Variants in GRIK2 observed in about 807,000 individuals in gnomAD.
GRIK2 encodes the protein glutamate receptor ionotropic, kainate 2.
GRIK2 carries 32 observed loss-of-function variants against 100.3 expected under a neutral mutation model. That is an observed-to-expected ratio of 0.32 (90% CI 0.24 to 0.43). The LOEUF is 0.43. Ranked by LOEUF, GRIK2 falls within the 20% of genes least tolerant of loss-of-function variation. The pLI, the probability that GRIK2 is intolerant of heterozygous loss-of-function variation, is 1.00. For missense variants in GRIK2, 843 were observed against 1,114.9 expected (o/e 0.76, Z 3.47); for synonymous variants, 417 against 389.4 (o/e 1.07, Z -0.83).
At chr6:102,006,288 G>GCTAT (rs1795220297) in intron 14 of GRIK2, among the ~76,000 whole-genome samples, 1 of 147,150 alleles carries the variant, frequency 6.8e-6, no homozygotes, top group East Asian at 2.0e-4. Flanking sequence ...AATGAAGGAG[G>GCTAT]CTATCTTTTA....
At chr6:101,615,993 G>A (rs1472729733) in intron 2 of GRIK2, among the ~76,000 whole-genome samples, 3 of 151,758 alleles carry the variant, frequency 2.0e-5, no homozygotes, top group Non-Finnish European at 4.4e-5. Context: ...GCAGATTACA[G>A]ATAATTGCTT....
intron 10 of GRIK2, among the ~76,000 whole-genome samples, chr6:101,845,892 T>G (rs1401111088): frequency 2.6e-5 from 4 of 152,192 alleles, no homozygotes; most frequent in African/African-American, 9.6e-5. Flanking sequence ...GGTTTAGATT[T>G]GCATTTCCCT....
At chr6:101,632,507 C>T (rs753220835) in intron 4 of GRIK2, among the ~76,000 whole-genome samples, 9 of 152,082 alleles carry the variant, frequency 5.9e-5, no homozygotes, top group Non-Finnish European at 1.0e-4. Context: ...CCTTTAACTA[C>T]TTGCCAAGGA....
At chr6:101,440,200 A>G (rs1292803762) in intron 2 of GRIK2, among the ~76,000 whole-genome samples, 1 of 152,176 alleles carries the variant, frequency 6.6e-6, no homozygotes, top group Non-Finnish European at 1.5e-5. Context: ...CTAAAACAAT[A>G]AAACAACAGG....
At chr6:101,425,311 T>C (rs959980465) in intron 2 of GRIK2, among the ~76,000 whole-genome samples, 15 of 152,200 alleles carry the variant, frequency 9.9e-5, no homozygotes, top group African/African-American at 3.4e-4. Flanking sequence ...AGTAGAGACA[T>C]TAGATTTAAT....
At position 101,645,000 on chromosome 6, in the gene GRIK2, G is replaced by A. The variant is rs115021997; in HGVS notation, c.541+18363G>A. On this transcript the variant is annotated intron_variant, in intron 4 of 16. Coordinates refer to ENST00000369134, the MANE Select transcript of GRIK2 (RefSeq NM_021956.5). ...GGAGGTACTGGAGTAACTGTAAGGT[G>A]CAAAGCCACCCTACCAATCCATGCT... is the stretch of plus-strand genomic sequence containing the variant. Among the ~76,000 whole-genome samples, 500 of 151,846 alleles carry A rather than the reference G, an allele frequency of 3.3e-3. 1 individual carries two copies. The highest frequency in any genetic ancestry group is 0.011 in the African/African-American group (468 of 41,506).
chr6:101,524,357 A>C (rs1775038891), intron 2 of GRIK2, among the ~76,000 whole-genome samples: 1 of 150,980 alleles, frequency 6.6e-6, no homozygotes, highest in Non-Finnish European at 1.5e-5. Flanking sequence ...TATCCTGACC[A>C]ACAGTAGAAA....
chr6:101,397,589 C>T (rs1775062261), intron 1 of GRIK2, among the ~76,000 whole-genome samples: 1 of 152,130 alleles, frequency 6.6e-6, no homozygotes, highest in Admixed American at 6.5e-5. Flanking sequence ...GTAGATTTCT[C>T]TTTAAATTAG....
chr6:101,840,374 G>T (rs1393393452), intron 10 of GRIK2, among the ~76,000 whole-genome samples: 2 of 152,156 alleles, frequency 1.3e-5, no homozygotes, highest in African/African-American at 4.8e-5. Context: ...CCTGATCTCT[G>T]TGTTTTCAAC....
intron 15 of GRIK2, among the ~76,000 whole-genome samples, chr6:102,036,616 A>G (rs190334418): frequency 6.6e-6 from 1 of 151,200 alleles, no homozygotes; most frequent in East Asian, 2.0e-4. Context: ...AAGAGAGAGG[A>G]GAGAGATTTG....
In GRIK2 at chr6:101,818,779, A is replaced by T. The variant is rs553384403; in HGVS notation, c.1317+296A>T. On this transcript the variant is annotated intron_variant, in intron 10 of 16. Transcript: ENST00000369134. The stretch of plus-strand genomic sequence containing the variant: ...CTATTGAGGAATTGTCAATGTCAAG[A>T]CTTGAAAAATACGTGCAGCTCTATA... Among the ~76,000 whole-genome samples the T allele has an allele frequency of 5.3e-5, 8 of 152,326 alleles. No homozygotes were observed. In the South Asian group the frequency reaches 1.7e-3, roughly 32 times the overall value.
intron 14 of GRIK2, among the ~76,000 whole-genome samples, chr6:101,936,875 T>C (rs746962888): frequency 1.6e-4 from 25 of 152,136 alleles, no homozygotes; most frequent in Admixed American, 3.3e-4. Flanking sequence ...TATCAAGCTG[T>C]CTGAAAATTA....
chr6:101,466,859 T>C (rs952333293), intron 2 of GRIK2, among the ~76,000 whole-genome samples: 1 of 152,182 alleles, frequency 6.6e-6, no homozygotes, highest in African/African-American at 2.4e-5. Flanking sequence ...ATATAAAGTA[T>C]GGAATTATAA....
At chr6:101,842,260 T>C (rs1783556483) in intron 10 of GRIK2, among the ~76,000 whole-genome samples, 1 of 152,154 alleles carries the variant, frequency 6.6e-6, no homozygotes, top group African/African-American at 2.4e-5. Flanking sequence ...CATGTGTTGG[T>C]GAACTTCTTC....
chr6:101,754,391 A>C (rs1776993683), intron 7 of GRIK2, among the ~76,000 whole-genome samples: 1 of 152,228 alleles, frequency 6.6e-6, no homozygotes, highest in South Asian at 2.1e-4. Flanking sequence ...ATTATGTTGT[A>C]GGAGACAGTA....
intron 15 of GRIK2, among the ~76,000 whole-genome samples, chr6:102,050,974 A>G (rs1021451994): frequency 6.6e-6 from 1 of 152,154 alleles, no homozygotes; most frequent in Admixed American, 6.5e-5. Flanking sequence ...CTTGGGAGAG[A>G]TTCTCATGAA....
chr6:101,410,762 C>A (rs911158267), intron 2 of GRIK2, among the ~76,000 whole-genome samples: 1 of 152,046 alleles, frequency 6.6e-6, no homozygotes, highest in Non-Finnish European at 1.5e-5. Context: ...TATTACAAGC[C>A]TGCACATGTA....
At chr6:101,804,930 T>C (rs1562401537) in intron 9 of GRIK2, among the ~76,000 whole-genome samples, 3 of 151,976 alleles carry the variant, frequency 2.0e-5, no homozygotes, top group South Asian at 4.1e-4. Flanking sequence ...AAAGTCCTCA[T>C]TTTAAATTTA....
chr6:101,936,310 T>G (rs1790614977), intron 14 of GRIK2, among the ~76,000 whole-genome samples: 1 of 152,066 alleles, frequency 6.6e-6, no homozygotes. Flanking sequence ...TTATTTTTCC[T>G]TTATTAATGG....
Sources: gnomAD v4.1 joint callset for allele counts (sites outside exome capture counted in the v4.1 genomes callset) on GRCh38, gnomAD v4.1.1 for gene constraint, MANE v1.5 for transcripts, NCBI Gene and HGNC (gene_info 2026-07-23, HGNC 2026-07-21) for gene names.